Variants in ADORA2B observed in about 807,000 individuals in gnomAD.
ADORA2B encodes adenosine A2b receptor.
ADORA2B carries 18 observed loss-of-function variants against 20.8 expected under a neutral mutation model. The observed-to-expected ratio is 0.87, with a 90% CI of 0.60 to 1.29. The LOEUF (loss-of-function observed/expected upper bound fraction) is 1.29. Ranked by LOEUF, ADORA2B falls within the 50% of genes most tolerant of loss-of-function variation. ADORA2B has a pLI of 0.00. For synonymous variants in ADORA2B, 179 were observed against 178.3 expected (o/e 1.00, Z -0.03); for missense variants, 441 against 422.7 (o/e 1.04, Z -0.38).
At chr17:15,904,231 C>T in the ADORA2B span, among the ~76,000 whole-genome samples, 4 of 152,056 alleles carry the variant, frequency 2.6e-5, no homozygotes, top group East Asian at 1.9e-4. Flanking sequence ...TCTCCCACCT[C>T]GGTCTCCCAA....
the ADORA2B span, among the ~76,000 whole-genome samples, chr17:15,852,089 C>A: frequency 6.6e-6 from 1 of 152,094 alleles, no homozygotes; most frequent in Non-Finnish European, 1.5e-5. Flanking sequence ...AGGTATTAGT[C>A]TTTTTCCTAT....
the ADORA2B span, among the ~76,000 whole-genome samples, chr17:15,922,362 C>T: frequency 6.6e-6 from 1 of 152,154 alleles, no homozygotes; most frequent in Non-Finnish European, 1.5e-5. Context: ...TTCACTTAGG[C>T]AAATGTCTCC....
At chr17:15,915,947 T>C in the ADORA2B span, among the ~76,000 whole-genome samples, 1 of 152,130 alleles carries the variant, frequency 6.6e-6, no homozygotes, top group Non-Finnish European at 1.5e-5. Context: ...ACACATAAAG[T>C]TAACCGTCAC....
At chr17:15,925,273 T>C in the ADORA2B span, among the ~76,000 whole-genome samples, 1 of 152,032 alleles carries the variant, frequency 6.6e-6, no homozygotes, top group Admixed American at 6.6e-5. Context: ...TGACCTCAGG[T>C]GATCTGCCTG....
the ADORA2B span, among the ~76,000 whole-genome samples, chr17:15,898,288 T>A: frequency 2.0e-5 from 3 of 152,100 alleles, no homozygotes; most frequent in Non-Finnish European, 2.9e-5. Context: ...TTTTATTTTT[T>A]ATTTTTATTT....
chr17:15,868,919 A>G, the ADORA2B span, among the ~76,000 whole-genome samples: 3 of 151,438 alleles, frequency 2.0e-5, no homozygotes, highest in African/African-American at 7.3e-5. Context: ...AGGGATGAGG[A>G]AGATGTTGGG....
intron 1 of ADORA2B, among the ~76,000 whole-genome samples, chr17:15,949,742 G>A (rs894041608): frequency 3.3e-5 from 5 of 151,586 alleles, no homozygotes; most frequent in Non-Finnish European, 5.9e-5. Context: ...GTGGTGGCAC[G>A]CGCCTGTAAT....
intron 1 of ADORA2B, among the ~76,000 whole-genome samples, chr17:15,964,247 T>C (rs1051105594): frequency 6.6e-6 from 1 of 152,214 alleles, no homozygotes; most frequent in African/African-American, 2.4e-5. Context: ...TATTTGTTCC[T>C]TAAATGTTTG....
the ADORA2B span, among the ~76,000 whole-genome samples, chr17:15,916,506 G>A: frequency 4.6e-5 from 7 of 151,196 alleles, no homozygotes; most frequent in Non-Finnish European, 7.4e-5. Context: ...TGAGAGGGTC[G>A]TGATCAACTG....
At chr17:15,868,599 C>T in the ADORA2B span, among the ~76,000 whole-genome samples, 4 of 122,142 alleles carry the variant, frequency 3.3e-5, 1 homozygote, top group East Asian at 2.2e-4. Flanking sequence ...AGTGAAACCC[C>T]GTTCTCTACT....
intron 1 of ADORA2B, among the ~76,000 whole-genome samples, chr17:15,950,613 C>G (rs1252198540): frequency 1.3e-5 from 2 of 152,312 alleles, no homozygotes; most frequent in Non-Finnish European, 2.9e-5. Flanking sequence ...TGTGGGCCCC[C>G]AGCTGGACTC....
the ADORA2B span, among the ~76,000 whole-genome samples, chr17:15,913,069 C>T: frequency 2.0e-5 from 3 of 152,198 alleles, no homozygotes; most frequent in Non-Finnish European, 4.4e-5. Context: ...AACGTGCCCC[C>T]TGAGGCATCT....
the ADORA2B span, among the ~76,000 whole-genome samples, chr17:15,882,083 AG>A: frequency 2.0e-5 from 3 of 152,202 alleles, no homozygotes; most frequent in African/African-American, 7.2e-5. Flanking sequence ...CGTGTCCTTA[AG>A]GAAAAGGGGA....
the ADORA2B span, among the ~76,000 whole-genome samples, chr17:15,930,508 C>G: frequency 6.6e-6 from 1 of 152,096 alleles, no homozygotes; most frequent in Admixed American, 6.6e-5. Flanking sequence ...ATTGGCCAAG[C>G]TGGTCTTGAA....
chr17:15,937,805 T>C, the ADORA2B span, among the ~76,000 whole-genome samples: 1 of 152,180 alleles, frequency 6.6e-6, no homozygotes, highest in Non-Finnish European at 1.5e-5. Context: ...ACTCCTGATC[T>C]CAGGTGATCC....
At chr17:15,940,820 T>C (rs769111074), upstream of ADORA2B, among the ~76,000 whole-genome samples, 2 of 152,236 alleles carry the variant, frequency 1.3e-5, no homozygotes, top group Non-Finnish European at 2.9e-5. Flanking sequence ...CGACTTCACC[T>C]CATGATAAAC....
chr17:15,881,112 T>C, the ADORA2B span, among the ~76,000 whole-genome samples: 68 of 152,268 alleles, frequency 4.5e-4, no homozygotes, highest in African/African-American at 1.6e-3. Flanking sequence ...TTTATTTTTA[T>C]TTATTTTGAG....
At chr17:15,962,532 AT>A (rs1567781393) in intron 1 of ADORA2B, among the ~76,000 whole-genome samples, 1 of 151,508 alleles carries the variant, frequency 6.6e-6, no homozygotes, top group Non-Finnish European at 1.5e-5. Context: ...ATTTATTTTT[AT>A]TTTTTCCATT....
At chr17:15,936,329 A>T in the ADORA2B span, among the ~76,000 whole-genome samples, 5 of 145,800 alleles carry the variant, frequency 3.4e-5, no homozygotes, top group Admixed American at 1.3e-4. Flanking sequence ...TTTTATTTTT[A>T]TTTTTTTTGA....
Sources: gnomAD v4.1 joint callset for allele counts (sites outside exome capture counted in the v4.1 genomes callset) on GRCh38, gnomAD v4.1.1 for gene constraint, MANE v1.5 for transcripts, NCBI Gene and HGNC (gene_info 2026-07-23, HGNC 2026-07-21) for gene names.